Variants in SERGEF observed in about 807,000 individuals in gnomAD.
SERGEF encodes the protein secretion regulating guanine nucleotide exchange factor.
Under a neutral mutation model 50.0 loss-of-function variants are expected in SERGEF, and 51 were observed. The observed-to-expected ratio is 1.02, with a 90% CI of 0.81 to 1.29. The LOEUF (loss-of-function observed/expected upper bound fraction) is 1.29. SERGEF is among the 50% of genes most tolerant of loss of function. The pLI, the probability that SERGEF is intolerant of heterozygous loss-of-function variation, is 0.00. For synonymous variants in SERGEF, 205 were observed against 212.4 expected (o/e 0.97, Z 0.30); for missense variants, 521 against 557.0 (o/e 0.94, Z 0.65).
intron 5 of SERGEF, among the ~76,000 whole-genome samples, chr11:17,997,416 G>A (rs550232400): frequency 2.7e-4 from 41 of 152,194 alleles, no homozygotes; most frequent in African/African-American, 9.6e-4. Context: ...TTGGAACCTC[G>A]TGCACTCCTG....
At chr11:17,915,024 C>A (rs1349745453) in intron 9 of SERGEF, among the ~76,000 whole-genome samples, 1 of 152,216 alleles carries the variant, frequency 6.6e-6, no homozygotes, top group Non-Finnish European at 1.5e-5. Context: ...TGCAATCTTA[C>A]GTCCCTTTTA....
chr11:17,925,585 G>C (rs1257844663), intron 9 of SERGEF, among the ~76,000 whole-genome samples: 1 of 152,156 alleles, frequency 6.6e-6, no homozygotes, highest in East Asian at 1.9e-4. Context: ...CAGCAATGGT[G>C]CTTGGTTCAG....
At chr11:17,877,491 A>G (rs1851259478) in intron 10 of SERGEF, among the ~76,000 whole-genome samples, 1 of 152,240 alleles carries the variant, frequency 6.6e-6, no homozygotes, top group South Asian at 2.1e-4. Flanking sequence ...TGCCCTCCCC[A>G]TTTTAAAGAT....
chr11:17,877,604 T>C (rs1324623212), intron 10 of SERGEF, among the ~76,000 whole-genome samples: 2 of 152,228 alleles, frequency 1.3e-5, no homozygotes, highest in African/African-American at 2.4e-5. Context: ...CTCTTTAATG[T>C]ACTGTGAGAT....
intron 9 of SERGEF, among the ~76,000 whole-genome samples, chr11:17,956,142 A>C (rs1348138176): frequency 6.6e-6 from 1 of 152,080 alleles, no homozygotes; most frequent in Non-Finnish European, 1.5e-5. Flanking sequence ...ACATTAAAGG[A>C]AGGCCTACAA....
chr11:17,943,850 C>T (rs1220318140), intron 9 of SERGEF, among the ~76,000 whole-genome samples: 1 of 152,184 alleles, frequency 6.6e-6, no homozygotes, highest in Admixed American at 6.5e-5. Context: ...CTCCTGTTTA[C>T]AATTAACTCA....
intron 10 of SERGEF, among the ~76,000 whole-genome samples, chr11:17,837,825 G>A (rs968831368): frequency 2.0e-5 from 3 of 151,716 alleles, no homozygotes; most frequent in East Asian, 1.9e-4. Flanking sequence ...CACCACGCCC[G>A]GCTAATTTTT....
chr11:17,885,903 C>A (rs1028230400), intron 9 of SERGEF, among the ~76,000 whole-genome samples: 1 of 152,168 alleles, frequency 6.6e-6, no homozygotes, highest in Non-Finnish European at 1.5e-5. Flanking sequence ...GGAGATCTGC[C>A]TCCTCTCAAT....
chr11:17,790,888 T>C lies in SERGEF; in HGVS notation c.1049-2475A>G, dbSNP rs144828989. On this transcript the variant is annotated intron_variant, in intron 10 of 10. Coordinates refer to ENST00000265965, the MANE Select transcript of SERGEF (RefSeq NM_012139.4). ...TGGAGCAGTAGCGCTTTCTGTTGAT[T>C]ACCCGTTTAAGTTGCCTCTTCTGTG... Among the ~76,000 whole-genome samples, 1,504 of 152,338 alleles carry C rather than the reference T, an allele frequency of 9.9e-3. 16 individuals are homozygous for C. Among genetic ancestry groups the C allele is most frequent in the Non-Finnish European group, 0.015 (1,002 of 68,014 alleles).
chr11:17,793,548 G>T (rs537083540), intron 10 of SERGEF, among the ~76,000 whole-genome samples: 2 of 152,344 alleles, frequency 1.3e-5, no homozygotes, highest in African/African-American at 4.8e-5. Context: ...GAAGTAAGAG[G>T]AAGGAGAGTG....
intron 10 of SERGEF, among the ~76,000 whole-genome samples, chr11:17,854,502 T>C (rs902061287): frequency 6.6e-6 from 1 of 152,124 alleles, no homozygotes; most frequent in African/African-American, 2.4e-5. Context: ...TCCCCTTCCT[T>C]TCTCAATCCT....
chr11:17,864,689 G>T (rs1850990041), intron 10 of SERGEF, among the ~76,000 whole-genome samples: 1 of 152,168 alleles, frequency 6.6e-6, no homozygotes, highest in Admixed American at 6.5e-5. Context: ...TGGTAACCAA[G>T]AGAGCTAAAA....
chr11:17,932,271 G>A (rs969130667), intron 9 of SERGEF, among the ~76,000 whole-genome samples: 3 of 152,188 alleles, frequency 2.0e-5, no homozygotes, highest in African/African-American at 7.2e-5. Flanking sequence ...TTCCTGTGTG[G>A]TGCTTCATTT....
intron 9 of SERGEF, among the ~76,000 whole-genome samples, chr11:17,925,756 T>C (rs1427839989): frequency 6.6e-6 from 1 of 152,130 alleles, no homozygotes; most frequent in Non-Finnish European, 1.5e-5. Flanking sequence ...AAATGTACAA[T>C]AGCAAGATCC....
rs1265603861 is a variant in SERGEF, at chr11:17,988,646, T to C, written c.795A>G (p.Glu265=). 6.2e-7 allele frequency: 1 copy of C among 1,614,170 alleles called. No homozygotes were observed. The highest frequency in any genetic ancestry group is 8.5e-7 in the Non-Finnish European group (1 of 1,180,024). Residue 265 remains glutamate, a synonymous_variant, in exon 8 of 11, where the codon GAA becomes GAG. Transcript: ENST00000265965. The part of the protein sequence containing the change: ...QKIEAHCFQN[E]KVTAIWSGWT... ...ATCCACTCCAGATGGCAGTGACCTTTTCATTCTGGAAACAATGTGCTTCTA... is the reference window on the plus strand; with the variant it reads ...ATCCACTCCAGATGGCAGTGACCTTCTCATTCTGGAAACAATGTGCTTCTA...
chr11:17,809,590 A>T (rs560882163), intron 10 of SERGEF, among the ~76,000 whole-genome samples: 1 of 152,270 alleles, frequency 6.6e-6, no homozygotes, highest in Non-Finnish European at 1.5e-5. Context: ...AAGGGAGATC[A>T]TTTGGAGGTG....
intron 10 of SERGEF, among the ~76,000 whole-genome samples, chr11:17,877,218 C>A (rs1480726009): frequency 6.6e-6 from 1 of 152,184 alleles, no homozygotes; most frequent in Non-Finnish European, 1.5e-5. Flanking sequence ...TGGCCAGGAA[C>A]AGAAATTATT....
intron 10 of SERGEF, among the ~76,000 whole-genome samples, chr11:17,824,367 A>G (rs903542950): frequency 2.0e-5 from 3 of 152,124 alleles, no homozygotes; most frequent in African/African-American, 4.8e-5. Flanking sequence ...GCTAGCAGCC[A>G]TCTTGGACCT....
At chr11:17,938,763 A>G (rs1006530877) in intron 9 of SERGEF, among the ~76,000 whole-genome samples, 25 of 152,298 alleles carry the variant, frequency 1.6e-4, no homozygotes, top group Admixed American at 1.6e-3. Context: ...GGTACTCTAG[A>G]CCCAAAATTT....
Sources: gnomAD v4.1 joint callset for allele counts (sites outside exome capture counted in the v4.1 genomes callset) on GRCh38, gnomAD v4.1.1 for gene constraint, MANE v1.5 for transcripts, NCBI Gene and HGNC (gene_info 2026-07-23, HGNC 2026-07-21) for gene names.